TNS1: variants seen among roughly 807,000 people sequenced by gnomAD.
TNS1 encodes tensin 1, also known as tensin-1.
Under a neutral mutation model 168.6 loss-of-function variants are expected in TNS1, and 62 were observed. That is an observed-to-expected ratio of 0.37 (90% CI 0.30 to 0.45). The LOEUF (loss-of-function observed/expected upper bound fraction) is 0.45, where lower values mean the gene tolerates loss of function less well. Ranked by LOEUF, TNS1 falls within the 20% of genes least tolerant of loss-of-function variation. TNS1 has a pLI of 1.00. For missense variants in TNS1, 2,240 were observed against 2,339.4 expected, an observed-to-expected ratio of 0.96 and a Z score of 0.88; for synonymous variants, 934 against 933.2, an observed-to-expected ratio of 1.00 and a Z score of -0.02.
intron 2 of TNS1, among the ~76,000 whole-genome samples, chr2:217,990,637 C>T (rs984313840): frequency 5.3e-5 from 8 of 152,250 alleles, no homozygotes; most frequent in African/African-American, 1.9e-4. Flanking sequence ...CTTCCACATG[C>T]CACTCACATG....
chr2:217,808,619 C>T lies in TNS1; in HGVS notation c.5326G>A (p.Asp1776Asn). 2 of 1,614,078 alleles carry T rather than the reference C, an allele frequency of 1.2e-6. No individual in the cohort carries two copies. Among genetic ancestry groups the T allele is most frequent in the Non-Finnish European group, 1.7e-6 (2 of 1,179,986 alleles). The change falls in exon 31 of 33, where the codon GAT (aspartate) becomes AAT (asparagine). Residue 1776 changes from aspartate to asparagine, a missense_variant. Coordinates refer to ENST00000682258, the MANE Select transcript of TNS1 (RefSeq NM_001387777.1). ...PLNTVTFCDLDPQERKWMKTE... is the reference protein window; with the variant it reads ...PLNTVTFCDLNPQERKWMKTE... ...GAGACTTACTTTCTTTCCTGTGGAT[C>T]CAGGTCACAGAAGGTGACAGTGTTG...
At chr2:217,931,910 G>A (rs1414189177) in intron 3 of TNS1, among the ~76,000 whole-genome samples, 2 of 152,152 alleles carry the variant, frequency 1.3e-5, no homozygotes, top group African/African-American at 2.4e-5. Context: ...CTATGTGGTG[G>A]ACAACCAGGA....
rs770021903 is a variant in TNS1, at chr2:217,818,716, C to T, written c.3616G>A (p.Gly1206Ser). The T allele has an allele frequency of 2.5e-6, 4 of 1,613,848 alleles. No homozygotes were observed. The Admixed American group carries it at 5.0e-5, about 20-fold the overall frequency. Residue 1206 changes from glycine (G) to serine (S), a missense_variant, in exon 24 of 33, where the codon GGT (glycine) becomes AGT (serine). This residue lies in a region of TNS1 where 2,131 missense variants were observed against 2,171.2 expected (regional missense o/e 0.98). Transcript: ENST00000682258. ...AGAGGCTGGGTGGGCGTCCGGGGAC[C>T]CTGGTCACTGCTCTCTCCCGACGGG... ...SFPSGESSDQ[G>S]PRTPTQPLLE...
chr2:217,923,508 G>A (rs572368392), intron 3 of TNS1, among the ~76,000 whole-genome samples: 1 of 152,274 alleles, frequency 6.6e-6, no homozygotes, highest in Non-Finnish European at 1.5e-5. Context: ...GCACATAGAG[G>A]CTAATGAGTT....
rs533708822 is a variant in TNS1, at chr2:217,995,921, C to T, written c.34-4865G>A. Reference sequence around the variant, plus strand: ...AGCATCAGAGGGCTTTCGTGGCCCTCGGGGCTTCCTCTCCCTTCCCTCCTT... The same window carrying T: ...AGCATCAGAGGGCTTTCGTGGCCCTTGGGGCTTCCTCTCCCTTCCCTCCTT... On this transcript the variant is annotated intron_variant, in intron 1 of 32. Transcript: ENST00000682258. The surrounding 1 kb of genome is among the most constrained non-coding windows in gnomAD (Gnocchi z 4.1). Among the ~76,000 whole-genome samples, 10 of 152,342 alleles carry T rather than the reference C, an allele frequency of 6.6e-5. No homozygotes were observed. The highest frequency in any genetic ancestry group is 2.1e-4 in the South Asian group (1 of 4,828).
At chr2:217,914,720 G>T (rs561860937) in intron 4 of TNS1, among the ~76,000 whole-genome samples, 23 of 152,138 alleles carry the variant, frequency 1.5e-4, no homozygotes, top group Non-Finnish European at 3.1e-4. Flanking sequence ...TCTTGACCTT[G>T]TGATCCACCC....
intron 23 of TNS1, among the ~76,000 whole-genome samples, chr2:217,819,968 G>T (rs1942558795): frequency 6.6e-6 from 1 of 152,162 alleles, no homozygotes; most frequent in Non-Finnish European, 1.5e-5. Flanking sequence ...TGAGGTTTTG[G>T]TTGGGGGTGT....
At chr2:218,012,121 A>G (rs559733353), upstream of TNS1, among the ~76,000 whole-genome samples, 12 of 152,274 alleles carry the variant, frequency 7.9e-5, 1 homozygote, top group South Asian at 1.7e-3. Context: ...TTCAATCTCT[A>G]TAGCTTCCCT....
intron 3 of TNS1, among the ~76,000 whole-genome samples, chr2:217,934,366 C>T (rs1253622766): frequency 6.6e-6 from 1 of 152,200 alleles, no homozygotes; most frequent in Non-Finnish European, 1.5e-5. Flanking sequence ...GAGGGAGGAG[C>T]TCAGGCTGCT....
intron 4 of TNS1, among the ~76,000 whole-genome samples, chr2:217,908,970 C>T (rs1954021218): frequency 6.6e-6 from 1 of 152,052 alleles, no homozygotes; most frequent in Non-Finnish European, 1.5e-5. Flanking sequence ...AATCCTAACC[C>T]ACTAATCCCC....
intron 3 of TNS1, among the ~76,000 whole-genome samples, chr2:217,946,294 C>T (rs1439626140): frequency 4.6e-5 from 7 of 152,216 alleles, no homozygotes; most frequent in Admixed American, 3.3e-4. Context: ...AACGCCCTGA[C>T]ATGCAGTGGG....
intron 6 of TNS1, chr2:217,905,541 G>C (rs1469437894): frequency 3.5e-6 from 1 of 283,158 alleles, no homozygotes; most frequent in Admixed American, 4.9e-5. Flanking sequence ...TCAGATGATA[G>C]GGCCTCGTGC....
rs765293624 is a variant in TNS1 at position 217,804,412 on chromosome 2, C to T, written c.*47G>A. 4 of 1,610,164 alleles carry T rather than the reference C, an allele frequency of 2.5e-6. No homozygotes were observed. In the African/African-American group the frequency reaches 4.0e-5, roughly 16 times the overall value. On this transcript the variant is annotated 3_prime_UTR_variant, in exon 33 of 33. Coordinates refer to ENST00000682258, the MANE Select transcript of TNS1 (RefSeq NM_001387777.1). ...TGGTCAGGATTCATGGGTCCCCTCCCCACAAGCCCCTTCCCCATGGCACTG... is the reference window on the plus strand; with the variant it reads ...TGGTCAGGATTCATGGGTCCCCTCCTCACAAGCCCCTTCCCCATGGCACTG...
intron 2 of TNS1, among the ~76,000 whole-genome samples, chr2:217,980,482 C>T (rs1958015680): frequency 6.8e-6 from 1 of 147,324 alleles, no homozygotes; most frequent in Non-Finnish European, 1.5e-5. Flanking sequence ...GGGGACCTGC[C>T]TCTCTCTCTC....
chr2:217,954,304 T>C (rs1957308861), intron 3 of TNS1, among the ~76,000 whole-genome samples: 1 of 152,106 alleles, frequency 6.6e-6, no homozygotes, highest in South Asian at 2.1e-4. Context: ...TGAGCTGCGG[T>C]CCCCCATCCT....
rs755704834 is a variant in TNS1, at chr2:217,808,115, G to C, written c.5343-8C>G. 1.9e-6 allele frequency: 3 copies of C among 1,612,930 alleles called. No homozygotes were observed. The Admixed American group carries it at 5.0e-5, about 27-fold the overall frequency. On this transcript the variant is annotated splice_region_variant and splice_polypyrimidine_tract_variant and intron_variant, in intron 31 of 32. Transcript: ENST00000682258. Reference sequence around the variant, plus strand: ...CCCTCTGTTTTCATCCACCTGTGGAGAGAAAGTGGGCTCAGGGTAAATCAT... The same window carrying C: ...CCCTCTGTTTTCATCCACCTGTGGACAGAAAGTGGGCTCAGGGTAAATCAT...
intron 1 of TNS1, among the ~76,000 whole-genome samples, chr2:218,001,087 A>G (rs1958554534): frequency 1.3e-5 from 2 of 152,058 alleles, no homozygotes; most frequent in Admixed American, 1.3e-4. Flanking sequence ...CAGGAGGTAG[A>G]GGTTATAGTG....
intron 2 of TNS1, among the ~76,000 whole-genome samples, chr2:217,987,264 T>G (rs908681517): frequency 1.3e-5 from 2 of 152,018 alleles, no homozygotes; most frequent in Non-Finnish European, 2.9e-5. Context: ...ACCTCAATGC[T>G]CCTCACAGCA....
At chr2:217,853,731 G>A (rs977305546) in intron 18 of TNS1, among the ~76,000 whole-genome samples, 5 of 152,190 alleles carry the variant, frequency 3.3e-5, no homozygotes, top group South Asian at 2.1e-4. Flanking sequence ...ATTGCACCAC[G>A]GGGCCTTTAT....
Sources: gnomAD v4.1 joint callset for allele counts (sites outside exome capture counted in the v4.1 genomes callset) on GRCh38, gnomAD v4.1.1 for gene constraint, gnomAD v4.1.1 regional missense constraint, Gnocchi (gnomAD v3.1) non-coding constraint, MANE v1.5 for transcripts, NCBI Gene and HGNC (gene_info 2026-07-23, HGNC 2026-07-21) for gene names.